The following MCPH1 variants were observed in gnomAD, a reference collection of about 807,000 sequenced individuals.
MCPH1 encodes the protein microcephalin.
A neutral mutation model predicts 84.5 loss-of-function variants in MCPH1; 104 were observed. The observed-to-expected ratio is 1.23, with a 90% CI of 1.05 to 1.45. The LOEUF (loss-of-function observed/expected upper bound fraction) is 1.45. Ranked by LOEUF, MCPH1 falls within the 40% of genes most tolerant of loss-of-function variation. The probability of loss-of-function intolerance (pLI) is 0.00; values close to 1 mark genes in which losing one functional copy is unlikely to be tolerated. For missense variants in MCPH1, 1,498 were observed against 1,005.7 expected (o/e 1.49, Z -6.62); for synonymous variants, 514 against 366.8 (o/e 1.40, Z -4.58).
Position 6,444,762 on chromosome 8 carries a change from C to A in MCPH1, c.1040C>A (p.Ser347Ter), listed in dbSNP as rs1804028189. The A allele has an allele frequency of 6.2e-7, 1 of 1,614,066 alleles. No individual in the cohort carries two copies. The highest frequency in any genetic ancestry group is 1.6e-4 in the Middle Eastern group (1 of 6,062). ...SSTKGHLLIH[S>*]RPRSSSVKRK... ...ACAAAAGGCCACCTTTTGATACATT[C>A]AAGACCCAGGAGTTCCTCAGTAAAG... is the stretch of plus-strand genomic sequence containing the variant. Residue 347 changes from serine (S) to a stop codon, truncating the protein, a stop_gained, in exon 8 of 14, where the codon TCA becomes TAA. Coordinates refer to ENST00000344683, the MANE Select transcript of MCPH1 (RefSeq NM_024596.5). LOFTEE classifies it high-confidence loss of function.
intron 12 of MCPH1, among the ~76,000 whole-genome samples, chr8:6,545,150 A>G (rs117966938): frequency 0.02 from 2,988 of 152,176 alleles, 47 homozygotes; most frequent in South Asian, 0.061. Context: ...TAAAGGTGAT[A>G]GAAGTCAGAA....
chr8:6,553,213 G>C (rs1037238478), intron 12 of MCPH1, among the ~76,000 whole-genome samples: 1 of 152,130 alleles, frequency 6.6e-6, no homozygotes, highest in African/African-American at 2.4e-5. Context: ...GGGGGATATG[G>C]GAACTCTCTG....
intron 13 of MCPH1, among the ~76,000 whole-genome samples, chr8:6,634,672 C>T (rs1227938668): frequency 6.6e-6 from 1 of 152,210 alleles, no homozygotes; most frequent in Non-Finnish European, 1.5e-5. Flanking sequence ...ACACTTCGTA[C>T]AGGCCTCTTG....
intron 12 of MCPH1, among the ~76,000 whole-genome samples, chr8:6,578,959 C>A (rs1245863707): frequency 6.6e-6 from 1 of 152,200 alleles, no homozygotes; most frequent in East Asian, 1.9e-4. Context: ...GCCTGGAAAT[C>A]CTAGCATTGG....
At chr8:6,408,514 G>T (rs1222106044) in intron 1 of MCPH1, among the ~76,000 whole-genome samples, 1 of 151,520 alleles carries the variant, frequency 6.6e-6, no homozygotes, top group African/African-American at 2.4e-5. Flanking sequence ...GAGCTACTTT[G>T]TTCAGCCAGT....
intron 12 of MCPH1, among the ~76,000 whole-genome samples, chr8:6,591,986 C>T (rs759169096): frequency 7.2e-5 from 11 of 152,210 alleles, no homozygotes; most frequent in South Asian, 2.1e-4. Context: ...AATTCGACAA[C>T]GCAAAGTGAG....
intron 12 of MCPH1, among the ~76,000 whole-genome samples, chr8:6,602,436 G>A (rs902092507): frequency 6.6e-6 from 1 of 152,146 alleles, no homozygotes; most frequent in Non-Finnish European, 1.5e-5. Context: ...CAGTGTCTGT[G>A]AGGATAGGAG....
At chr8:6,447,494 C>G (rs1804570867) in intron 8 of MCPH1, 1 of 814,280 alleles carries the variant, frequency 1.2e-6, no homozygotes, top group African/African-American at 1.9e-5. Context: ...CAAAGAGCTT[C>G]AATACGCTGA....
At chr8:6,433,624 C>G (rs1300067036) in intron 4 of MCPH1, among the ~76,000 whole-genome samples, 1 of 99,674 alleles carries the variant, frequency 1.0e-5, no homozygotes, top group African/African-American at 4.8e-5. Flanking sequence ...CAGCAAGGCT[C>G]TGTCTCAAAA....
intron 3 of MCPH1, among the ~76,000 whole-genome samples, chr8:6,428,262 TA>T (rs61532349): frequency 6.6e-6 from 1 of 151,468 alleles, no homozygotes; most frequent in African/African-American, 2.4e-5. Context: ...CTTTTAAACT[TA>T]AAAAAAACTA....
chr8:6,426,584 T>C, intron 3 of MCPH1, among the ~76,000 whole-genome samples: 1 of 152,228 alleles, frequency 6.6e-6, no homozygotes, highest in East Asian at 1.9e-4. Flanking sequence ...CACCAGTTGA[T>C]GGAGATTGGG....
Position 6,620,572 on chromosome 8 carries a change from A to T in MCPH1, c.2215-882A>T, listed in dbSNP as rs80345496. On this transcript the variant is annotated intron_variant, in intron 12 of 13. Transcript: ENST00000344683. ...TCCCTTCATCCCTTCCCCGAAATAC[A>T]TCCCCTCAAATCTCTAATTTGTGTG... 5.0e-3 allele frequency among the ~76,000 whole-genome samples: 767 copies of T among 152,222 alleles called. 7 individuals carry two copies. Among genetic ancestry groups the T allele is most frequent in the African/African-American group, 0.017 (710 of 41,510 alleles).
At chr8:6,449,880 A>G (rs1391408198) in intron 8 of MCPH1, among the ~76,000 whole-genome samples, 3 of 152,188 alleles carry the variant, frequency 2.0e-5, no homozygotes, top group Admixed American at 1.3e-4. Context: ...TGAATTGCCA[A>G]GTAGTTAAAG....
At chr8:6,462,562 G>A (rs1806399874) in intron 9 of MCPH1, among the ~76,000 whole-genome samples, 1 of 152,120 alleles carries the variant, frequency 6.6e-6, no homozygotes, top group Admixed American at 6.5e-5. Context: ...GTAAAAGATG[G>A]ATTCTCTTCT....
At chr8:6,639,310 C>T (rs1180909351) in intron 13 of MCPH1, among the ~76,000 whole-genome samples, 2 of 152,116 alleles carry the variant, frequency 1.3e-5, no homozygotes, top group Non-Finnish European at 2.9e-5. Context: ...CCTTCCTTAA[C>T]TACAATAAAG....
chr8:6,580,991 C>CA (rs1392517370), intron 12 of MCPH1, among the ~76,000 whole-genome samples: 1 of 152,102 alleles, frequency 6.6e-6, no homozygotes, highest in Non-Finnish European at 1.5e-5. Context: ...TAAAAAAGTA[C>CA]AAAAAATCGA....
chr8:6,461,501 A>ATT (rs78168192), intron 9 of MCPH1, among the ~76,000 whole-genome samples: 31,646 of 136,236 alleles, frequency 0.23, 4,489 homozygotes, highest in African/African-American at 0.42. Flanking sequence ...TAATTTTTCT[A>ATT]TTTTTTTTTT....
intron 12 of MCPH1, among the ~76,000 whole-genome samples, chr8:6,525,174 T>C (rs941997367): frequency 1.3e-5 from 2 of 152,190 alleles, no homozygotes; most frequent in Non-Finnish European, 2.9e-5. Context: ...ATCTCGCCCA[T>C]AAGCAATAAC....
intron 13 of MCPH1, chr8:6,625,886 C>T: frequency 1.0e-6 from 1 of 985,264 alleles, no homozygotes; most frequent in Non-Finnish European, 1.2e-6. Context: ...GGGTGGAGAA[C>T]CAGGAGTTTT....
Sources: gnomAD v4.1 joint callset for allele counts (sites outside exome capture counted in the v4.1 genomes callset) on GRCh38, gnomAD v4.1.1 for gene constraint, MANE v1.5 for transcripts, NCBI Gene and HGNC (gene_info 2026-07-23, HGNC 2026-07-21) for gene names.